Variants in WDPCP observed in about 807,000 individuals in gnomAD.
WDPCP encodes WD repeat containing planar cell polarity effector.
Under a neutral mutation model 93.1 loss-of-function variants are expected in WDPCP, and 71 were observed. That is an observed-to-expected ratio of 0.76 (90% CI 0.63 to 0.93). The LOEUF is 0.93. Among genes scored for constraint, WDPCP ranks in the 40% least tolerant of loss-of-function variants. The pLI, the probability that WDPCP is intolerant of heterozygous loss-of-function variation, is 0.00. For synonymous variants in WDPCP, 315 were observed against 315.0 expected, an observed-to-expected ratio of 1.00 and a Z score of 0.00; for missense variants, 844 against 887.4, an observed-to-expected ratio of 0.95 and a Z score of 0.62.
At chr2:63,451,808 G>A (rs1231245331) in intron 6 of WDPCP, among the ~76,000 whole-genome samples, 5 of 152,068 alleles carry the variant, frequency 3.3e-5, no homozygotes, top group East Asian at 1.9e-4. Flanking sequence ...ATCAATAAAC[G>A]TAATCCAGCA....
chr2:63,641,104 C>CATA (rs1044256076), intron 3 of WDPCP, among the ~76,000 whole-genome samples: 1 of 152,130 alleles, frequency 6.6e-6, no homozygotes, highest in African/African-American at 2.4e-5. Context: ...TTTCACTTAA[C>CATA]ATAATGATCT....
intron 12 of WDPCP, among the ~76,000 whole-genome samples, chr2:63,346,494 C>T (rs1051448906): frequency 1.3e-5 from 2 of 152,196 alleles, no homozygotes; most frequent in East Asian, 1.9e-4. Flanking sequence ...GGTCTGAAAT[C>T]CATTAGTGCA....
intron 14 of WDPCP, among the ~76,000 whole-genome samples, chr2:63,222,998 T>C (rs1266770027): frequency 6.6e-6 from 1 of 152,028 alleles, no homozygotes; most frequent in Non-Finnish European, 1.5e-5. Flanking sequence ...TAAGAAAATA[T>C]GGGAAAATGA....
intron 3 of WDPCP, chr2:63,605,311 A>G (rs1709507052): frequency 6.2e-7 from 1 of 1,614,070 alleles, no homozygotes; most frequent in South Asian, 1.1e-5. Context: ...GCTGTCATCA[A>G]GGCTCGAAAA....
intron 1 of WDPCP, among the ~76,000 whole-genome samples, chr2:63,575,378 AGT>A (rs1558831406): frequency 7.1e-5 from 9 of 126,646 alleles, no homozygotes; most frequent in African/African-American, 2.5e-4. Context: ...CAGTATATAC[AGT>A]ATATACACGG....
intron 2 of WDPCP, among the ~76,000 whole-genome samples, chr2:63,685,761 C>T (rs140168311): frequency 0.012 from 1,804 of 152,142 alleles, 35 homozygotes; most frequent in African/African-American, 0.04. Context: ...TCATCATGAC[C>T]AAGTGAGATT....
intron 1 of WDPCP, among the ~76,000 whole-genome samples, chr2:63,823,603 TTGTTTTCTC>T (rs1671062900): frequency 6.6e-6 from 1 of 152,220 alleles, no homozygotes; most frequent in Non-Finnish European, 1.5e-5. Flanking sequence ...ATTTTGTTGT[TTGTTTTCTC>T]TCTGTCTCTT....
At chr2:63,259,280 G>A (rs1231471013) in intron 14 of WDPCP, 27 bp downstream of exon 14, 3 of 1,553,930 alleles carry the variant, frequency 1.9e-6, no homozygotes, top group Non-Finnish European at 2.7e-6. Context: ...AAAATAAAAA[G>A]CACTTAAAAA....
At chr2:63,501,961 T>C (rs943219146) in intron 1 of WDPCP, among the ~76,000 whole-genome samples, 1 of 152,144 alleles carries the variant, frequency 6.6e-6, no homozygotes, top group Admixed American at 6.5e-5. Flanking sequence ...AAGCAACACA[T>C]ACTTATTGTT....
At chr2:63,645,747 A>T (rs1276210792) in intron 3 of WDPCP, among the ~76,000 whole-genome samples, 1 of 152,128 alleles carries the variant, frequency 6.6e-6, no homozygotes, top group Non-Finnish European at 1.5e-5. Flanking sequence ...CTCCTTTATC[A>T]TTATTTAGTG....
At chr2:63,265,523 GAATA>G (rs1682032295) in intron 13 of WDPCP, among the ~76,000 whole-genome samples, 2 of 152,058 alleles carry the variant, frequency 1.3e-5, no homozygotes, top group South Asian at 4.1e-4. Context: ...AAAGGAGACT[GAATA>G]AATAATCAAA....
At chr2:63,828,948 A>C (rs1157928193), upstream of WDPCP, among the ~76,000 whole-genome samples, 1 of 152,194 alleles carries the variant, frequency 6.6e-6, no homozygotes, top group Non-Finnish European at 1.5e-5. Context: ...CTTTTGTTAG[A>C]AAATATGTAT....
rs923823947 is a variant in WDPCP at position 63,769,268 on chromosome 2, T to G, written n.308+44354A>C. Among the ~76,000 whole-genome samples the G allele has an allele frequency of 2.6e-5, 4 of 151,868 alleles. No homozygotes were observed. The South Asian group carries it at 8.3e-4, about 32-fold the overall frequency. ...GGACAGAGAACAGAAATAGTAATAA[T>G]GCAACTGTCTCACTGAGAAAAAGAA... On this transcript the variant is annotated intron_variant and non_coding_transcript_variant, in intron 2 of 4. Transcript: ENST00000467687.
At chr2:63,632,796 C>T (rs559269009) in intron 3 of WDPCP, among the ~76,000 whole-genome samples, 1 of 152,198 alleles carries the variant, frequency 6.6e-6, no homozygotes, top group Admixed American at 6.5e-5. Flanking sequence ...GCAAAGCATG[C>T]AGAAAGCTTA....
chr2:63,236,174 C>A (rs1679376675), intron 14 of WDPCP, among the ~76,000 whole-genome samples: 1 of 152,130 alleles, frequency 6.6e-6, no homozygotes, highest in Non-Finnish European at 1.5e-5. Context: ...AGTGCCATTT[C>A]TATATCCCAA....
chr2:63,131,572 A>G (rs769227286), intron 17 of WDPCP, among the ~76,000 whole-genome samples: 3 of 152,172 alleles, frequency 2.0e-5, no homozygotes, highest in Non-Finnish European at 2.9e-5. Context: ...TATAGATTCT[A>G]TACAAGAATT....
chr2:63,272,493 G>T (rs753836402), intron 13 of WDPCP, among the ~76,000 whole-genome samples: 6 of 152,138 alleles, frequency 3.9e-5, no homozygotes, highest in Non-Finnish European at 8.8e-5. Flanking sequence ...TCCAGCAACA[G>T]ATTGCAATGA....
intron 10 of WDPCP, among the ~76,000 whole-genome samples, chr2:63,382,972 A>G (rs1389037931): frequency 6.6e-6 from 1 of 152,158 alleles, no homozygotes; most frequent in African/African-American, 2.4e-5. Flanking sequence ...AGTAGATATT[A>G]ATTCATAGGA....
intron 2 of WDPCP, chr2:63,717,751 T>G (rs1669358813): frequency 2.6e-6 from 1 of 388,670 alleles, no homozygotes; most frequent in African/African-American, 2.1e-5. Context: ...TACTGCGGTA[T>G]GATGGAGACG....
Sources: allele counts gnomAD v4.1 joint callset (sites outside exome capture counted in the v4.1 genomes callset), GRCh38; gene constraint gnomAD v4.1.1; transcripts MANE v1.5; gene names NCBI Gene and HGNC (gene_info 2026-07-23, HGNC 2026-07-21).